COL6A6: variants seen among roughly 807,000 people sequenced by gnomAD.
COL6A6 encodes the protein collagen alpha-6(VI) chain.
In COL6A6, 183 loss-of-function variants were observed where a neutral mutation model predicts 208.6. The observed-to-expected ratio is 0.88, with a 90% CI of 0.78 to 0.99. The LOEUF is 0.99. Among genes scored for constraint, COL6A6 ranks in the 50% least tolerant of loss-of-function variants. The pLI, the probability that COL6A6 is intolerant of heterozygous loss-of-function variation, is 0.00. For synonymous variants in COL6A6, 973 were observed against 1,011.8 expected (o/e 0.96, Z 0.73); for missense variants, 2,816 against 2,815.2 (o/e 1.00, Z -0.01).
chr3:130,577,883 A>AGTAATGGGG (rs142725976), intron 8 of COL6A6, among the ~76,000 whole-genome samples: 3,352 of 152,314 alleles, frequency 0.022, 143 homozygotes, highest in African/African-American at 0.076. Flanking sequence ...AAATTTGTGG[A>AGTAATGGGG]GTAATGGGGT....
chr3:130,636,159 T>C (rs1366135189), intron 28 of COL6A6, among the ~76,000 whole-genome samples: 1 of 152,242 alleles, frequency 6.6e-6, no homozygotes, highest in Non-Finnish European at 1.5e-5. Context: ...TTTGTTAATC[T>C]ACTTTTAATG....
Position 130,649,126 on chromosome 3 carries a change from G to T in COL6A6, c.5297G>T (p.Arg1766Leu). Reference sequence around the variant, plus strand: ...TTGGTGTTTGCCCTGGACCACTCCCGGGATGTCACTGAGCAGGAATTTGAG... The same window carrying T: ...TTGGTGTTTGCCCTGGACCACTCCCTGGATGTCACTGAGCAGGAATTTGAG... ...TELVFALDHS[R>L]DVTEQEFERM... The change falls in exon 33 of 37, where the codon CGG (arginine) becomes CTG (leucine). Residue 1766 changes from arginine to leucine, a missense_variant. Arg to Leu is a moderately radical substitution (Grantham distance 102). Coordinates refer to ENST00000358511, the MANE Select transcript of COL6A6 (RefSeq NM_001102608.3). The T allele has an allele frequency of 1.3e-6, 2 of 1,582,074 alleles. No individual in the cohort carries two copies. Among genetic ancestry groups the T allele is most frequent in the Non-Finnish European group, 1.7e-6 (2 of 1,163,484 alleles).
intron 1 of COL6A6, among the ~76,000 whole-genome samples, chr3:130,557,991 A>G (rs2062803917): frequency 1.3e-5 from 2 of 152,244 alleles, no homozygotes; most frequent in Admixed American, 6.5e-5. Context: ...TGAATGCAAA[A>G]CATATTCAGA....
At chr3:130,521,382 A>G (rs1432022195) in intron 1 of COL6A6, among the ~76,000 whole-genome samples, 1 of 152,252 alleles carries the variant, frequency 6.6e-6, no homozygotes, top group Non-Finnish European at 1.5e-5. Context: ...TGTTTGTTAT[A>G]AAACAATACC....
chr3:130,519,789 G>A (rs908937756), intron 1 of COL6A6, among the ~76,000 whole-genome samples: 9 of 152,300 alleles, frequency 5.9e-5, no homozygotes, highest in Middle Eastern at 3.4e-3. Flanking sequence ...TGGTGATGGC[G>A]ATGGTGGTGG....
At chr3:130,540,160 T>C (rs1181098857) in intron 1 of COL6A6, among the ~76,000 whole-genome samples, 1 of 152,228 alleles carries the variant, frequency 6.6e-6, no homozygotes. Flanking sequence ...CTGACCCTTA[T>C]GGTTATTTCC....
chr3:130,641,871 A>G (rs2065321003), intron 29 of COL6A6, among the ~76,000 whole-genome samples, 157 bp downstream of exon 29: 1 of 152,136 alleles, frequency 6.6e-6, no homozygotes, highest in African/African-American at 2.4e-5. Flanking sequence ...CTGATTAAAT[A>G]TTTAGAGGTG....
chr3:130,673,230 C>CA (rs2066275004), intron 36 of COL6A6, among the ~76,000 whole-genome samples: 3 of 105,488 alleles, frequency 2.8e-5, no homozygotes, highest in Admixed American at 1.7e-4. Flanking sequence ...AAAAAAAAAA[C>CA]AAAACCCAAG....
In COL6A6 at chr3:130,649,349, G is replaced by A. The variant is rs1245346882; in HGVS notation, c.5520G>A (p.Arg1840=). The A allele has an allele frequency of 6.2e-7, 1 of 1,611,064 alleles. No individual in the cohort carries two copies. Among genetic ancestry groups the A allele is most frequent in the East Asian group, 2.2e-5 (1 of 44,800 alleles). Reference sequence around the variant, plus strand: ...CTTATGAGAGATCCTCTGCCAGCAGGGAGATTGGCAGAGCAATGCGGTTTA... The same window carrying A: ...CTTATGAGAGATCCTCTGCCAGCAGAGAGATTGGCAGAGCAATGCGGTTTA... The part of the protein sequence containing the change: ...TIPYERSSAS[R]EIGRAMRFIS... Residue 1840 remains arginine (R), a synonymous_variant, in exon 33 of 37, where the codon AGG becomes AGA. Coordinates refer to ENST00000358511, the MANE Select transcript of COL6A6 (RefSeq NM_001102608.3).
At chr3:130,620,111 T>C (rs963383645) in intron 23 of COL6A6, among the ~76,000 whole-genome samples, 1 of 150,566 alleles carries the variant, frequency 6.6e-6, no homozygotes, top group Non-Finnish European at 1.5e-5. Flanking sequence ...AGTCTTGAGT[T>C]TTGTTTTGTT....
intron 29 of COL6A6, 42 bp downstream of exon 29, chr3:130,641,756 TA>T (rs746800180): frequency 0.14 from 122,298 of 862,238 alleles, no homozygotes; most frequent in South Asian, 0.18. Flanking sequence ...CCTTTTCCAT[TA>T]AAAAAAAAAA....
intron 23 of COL6A6, among the ~76,000 whole-genome samples, chr3:130,619,580 A>G (rs2064645729): frequency 6.6e-6 from 1 of 152,346 alleles, no homozygotes; most frequent in South Asian, 2.1e-4. Flanking sequence ...TCAGCCTGAC[A>G]TTTTAAATCT....
chr3:130,673,178 C>CAA lies in COL6A6; in HGVS notation c.6597-2013_6597-2012dup, dbSNP rs369915283. ...TGGGCGACAGAGCAAGACTCTATCT[C>CAA]AAAAAAAAAAAACAAAAAAACAAAA... On this transcript the variant is annotated intron_variant, in intron 36 of 36. Transcript: ENST00000358511. Among the ~76,000 whole-genome samples, 283 of 47,866 alleles carry CAA rather than the reference C, an allele frequency of 5.9e-3. 3 individuals are homozygous for CAA. The highest frequency in any genetic ancestry group is 6.4e-3 in the East Asian group (12 of 1,880). 31.4% of individuals were successfully genotyped at this position (47,866 alleles called of 152,430 possible). A position where few individuals can be genotyped will look rare whatever the true frequency, so the allele number is the denominator to read the frequency against.
At chr3:130,590,055 T>G (rs1466308665) in intron 12 of COL6A6, 3 of 446,138 alleles carry the variant, frequency 6.7e-6, no homozygotes, top group Non-Finnish European at 1.3e-5. Flanking sequence ...TCTATTTTTC[T>G]ATGTGTAGCA....
chr3:130,665,483 G>A (rs1412869659), intron 36 of COL6A6, among the ~76,000 whole-genome samples: 1 of 152,056 alleles, frequency 6.6e-6, no homozygotes. Flanking sequence ...GGAGAAACTT[G>A]TTATGCCAGA....
intron 36 of COL6A6, among the ~76,000 whole-genome samples, chr3:130,669,111 T>A (rs11920921): frequency 0.039 from 5,987 of 152,286 alleles, 397 homozygotes; most frequent in African/African-American, 0.14. Context: ...AATAATATTT[T>A]AGGCTGGGCA....
intron 33 of COL6A6, among the ~76,000 whole-genome samples, chr3:130,656,719 G>A (rs992694106): frequency 6.6e-6 from 1 of 152,224 alleles, no homozygotes; most frequent in Non-Finnish European, 1.5e-5. Context: ...TGTTTGCACT[G>A]AGGGGTGCCT....
At chr3:130,626,370 G>T in intron 24 of COL6A6, 115 bp from the exon 25 acceptor site, 5 of 772,624 alleles carry the variant, frequency 6.5e-6, no homozygotes, top group Non-Finnish European at 1.2e-5. Flanking sequence ...TGTATCACTT[G>T]CACGACACAC....
chr3:130,574,978 G>A (rs567527299), intron 8 of COL6A6, among the ~76,000 whole-genome samples: 2 of 152,274 alleles, frequency 1.3e-5, no homozygotes, highest in East Asian at 1.9e-4. Flanking sequence ...TTTTACTGCA[G>A]AAATTAGTAA....
Sources: allele counts gnomAD v4.1 joint callset (sites outside exome capture counted in the v4.1 genomes callset), GRCh38; gene constraint gnomAD v4.1.1; transcripts MANE v1.5; gene names NCBI Gene and HGNC (gene_info 2026-07-23, HGNC 2026-07-21).